The following PRKAG2 variants were observed in gnomAD, a reference collection of about 807,000 sequenced individuals.
PRKAG2 encodes the protein 5'-AMP-activated protein kinase subunit gamma-2.
Under a neutral mutation model 69.6 loss-of-function variants are expected in PRKAG2, and 26 were observed. That is an observed-to-expected ratio of 0.37 (90% CI 0.27 to 0.52). The LOEUF (loss-of-function observed/expected upper bound fraction) is 0.52. Among genes scored for constraint, PRKAG2 ranks in the 20% least tolerant of loss-of-function variants. The probability of loss-of-function intolerance (pLI) is 0.90; values close to 1 mark genes in which losing one functional copy is unlikely to be tolerated. For missense variants in PRKAG2, 557 were observed against 740.0 expected, an observed-to-expected ratio of 0.75 and a Z score of 2.87; for synonymous variants, 293 against 285.0, an observed-to-expected ratio of 1.03 and a Z score of -0.28.
intron 1 of PRKAG2, among the ~76,000 whole-genome samples, chr7:151,876,032 C>A (rs889818895): frequency 4.2e-4 from 64 of 150,948 alleles, no homozygotes; most frequent in African/African-American, 3.4e-4. Flanking sequence ...ACAGCTCCCC[C>A]CAACCCCCGC....
intron 1 of PRKAG2, among the ~76,000 whole-genome samples, chr7:151,812,700 C>A (rs990705929): frequency 6.6e-6 from 1 of 152,204 alleles, no homozygotes; most frequent in African/African-American, 2.4e-5. Context: ...TGGGTCCACC[C>A]AACCTCAGTC....
intron 5 of PRKAG2, among the ~76,000 whole-genome samples, chr7:151,606,948 A>G (rs916654526): frequency 2.0e-5 from 3 of 152,264 alleles, no homozygotes; most frequent in Non-Finnish European, 4.4e-5. Flanking sequence ...TGATATTTTC[A>G]GTGTTATAGG....
At chr7:151,809,703 G>A (rs58775134) in intron 1 of PRKAG2, 12,048 of 160,422 alleles carry the variant, frequency 0.075, 1,156 homozygotes, top group East Asian at 0.49. Context: ...AAGTTGTGGC[G>A]GGAAGGCCTT....
In PRKAG2 at chr7:151,575,028, T is replaced by A. The variant is rs1808553662; in HGVS notation, c.947-79A>T. On this transcript the variant is annotated intron_variant, in intron 7 of 15. Transcript: ENST00000287878. ...TTTCAAATGACAAGTGAGCCTAGAATATATGCTAGAAGAGCTTATAAAATA... is the reference window on the plus strand; with the variant it reads ...TTTCAAATGACAAGTGAGCCTAGAAAATATGCTAGAAGAGCTTATAAAATA... The A allele has an allele frequency of 1.0e-5, 16 of 1,575,850 alleles. No individual in the cohort carries two copies. The Admixed American group carries it at 2.4e-4, about 24-fold the overall frequency.
chr7:151,730,998 G>T (rs1586137596), intron 3 of PRKAG2, among the ~76,000 whole-genome samples: 4 of 152,190 alleles, frequency 2.6e-5, no homozygotes, highest in African/African-American at 9.7e-5. Context: ...ACACCGCTTG[G>T]ACTCCTGGCT....
At chr7:151,585,734 T>C (rs1811491301) in intron 6 of PRKAG2, among the ~76,000 whole-genome samples, 1 of 152,232 alleles carries the variant, frequency 6.6e-6, no homozygotes, top group Non-Finnish European at 1.5e-5. Context: ...AATATTCAAG[T>C]CATTGTTCCA....
intron 5 of PRKAG2, among the ~76,000 whole-genome samples, chr7:151,605,451 A>G (rs1329546698): frequency 6.6e-6 from 1 of 151,888 alleles, no homozygotes; most frequent in East Asian, 1.9e-4. Flanking sequence ...ATTAAATTTT[A>G]TGGCTGGGTG....
chr7:151,608,341 C>T (rs578137554), intron 5 of PRKAG2, among the ~76,000 whole-genome samples: 6 of 152,346 alleles, frequency 3.9e-5, no homozygotes, highest in Admixed American at 1.3e-4. Context: ...TCAAAGGCTA[C>T]TTCCTCCCAT....
At chr7:151,849,803 C>T (rs1257053479) in intron 1 of PRKAG2, among the ~76,000 whole-genome samples, 1 of 152,186 alleles carries the variant, frequency 6.6e-6, no homozygotes, top group East Asian at 1.9e-4. Flanking sequence ...ATTAAGGGCC[C>T]ACCCTGCTCT....
At chr7:151,704,552 T>C (rs912505480) in intron 3 of PRKAG2, among the ~76,000 whole-genome samples, 1 of 152,256 alleles carries the variant, frequency 6.6e-6, no homozygotes, top group Non-Finnish European at 1.5e-5. Context: ...CGGCGTCTAC[T>C]CTGGGGCTAT....
chr7:151,721,689 G>T (rs1190702321), intron 3 of PRKAG2, among the ~76,000 whole-genome samples: 1 of 152,192 alleles, frequency 6.6e-6, no homozygotes, highest in Non-Finnish European at 1.5e-5. Context: ...TCTGAGTAGA[G>T]ATTTAGTTTG....
Position 151,735,913 on chromosome 7 carries a change from A to C in PRKAG2, c.466+45239T>G, listed in dbSNP as rs919480683. ...GCAGAGTCCTACCGAAAAGGCCATG[A>C]GGCTCCGACTGGCGCCTCTCCGTGC... On this transcript the variant is annotated intron_variant, in intron 3 of 15. Transcript: ENST00000287878. 4.4e-5 allele frequency: 68 copies of C among 1,536,328 alleles called. No homozygotes were observed. The highest frequency in any genetic ancestry group is 5.8e-5 in the Non-Finnish European group (67 of 1,146,958).
chr7:151,576,227 C>A, intron 7 of PRKAG2, 144 bp downstream of exon 7: 2 of 856,802 alleles, frequency 2.3e-6, no homozygotes, highest in Admixed American at 4.1e-5. Context: ...GGGCATGGGC[C>A]ACTGCACCCT....
chr7:151,857,836 T>A (rs562930445), intron 1 of PRKAG2, among the ~76,000 whole-genome samples: 1 of 152,320 alleles, frequency 6.6e-6, no homozygotes, highest in South Asian at 2.1e-4. Context: ...AAGGCGGGCA[T>A]ACAATTTCTA....
intron 1 of PRKAG2, among the ~76,000 whole-genome samples, chr7:151,786,827 G>C (rs951498261): frequency 6.6e-6 from 1 of 152,208 alleles, no homozygotes; most frequent in South Asian, 2.1e-4. Flanking sequence ...AGTCAGGAAG[G>C]CAGGCAGAAA....
At chr7:151,578,493 T>C (rs1809531630) in intron 6 of PRKAG2, among the ~76,000 whole-genome samples, 2 of 152,252 alleles carry the variant, frequency 1.3e-5, no homozygotes, top group Non-Finnish European at 2.9e-5. Flanking sequence ...TTTTGCCTTA[T>C]GTGGAACTGC....
chr7:151,675,367 C>T, intron 4 of PRKAG2, 53 bp downstream of exon 4: 1 of 1,541,302 alleles, frequency 6.5e-7, no homozygotes, highest in Non-Finnish European at 8.9e-7. Context: ...AATAACTGCT[C>T]TGCCCTCCCT....
At chr7:151,590,937 G>A (rs957969513) in intron 6 of PRKAG2, among the ~76,000 whole-genome samples, 2 of 152,218 alleles carry the variant, frequency 1.3e-5, no homozygotes, top group African/African-American at 2.4e-5. Context: ...TGAAGTGCAG[G>A]GCACTGCTGA....
intron 1 of PRKAG2, among the ~76,000 whole-genome samples, chr7:151,875,538 A>G (rs1003237890): frequency 1.3e-5 from 2 of 150,704 alleles, no homozygotes; most frequent in Admixed American, 1.3e-4. Context: ...GGAGAGCAAA[A>G]TAACTTTCTC....
Sources: gnomAD v4.1 joint callset for allele counts (sites outside exome capture counted in the v4.1 genomes callset) on GRCh38, gnomAD v4.1.1 for gene constraint, MANE v1.5 for transcripts, NCBI Gene and HGNC (gene_info 2026-07-23, HGNC 2026-07-21) for gene names.